The following VILL variants were observed in gnomAD, a reference collection of about 807,000 sequenced individuals.
VILL encodes the protein villin like, also known as villin-like protein.
Under a neutral mutation model 106.3 loss-of-function variants are expected in VILL, and 102 were observed. The ratio of observed to expected loss-of-function variants is 0.96; its 90% CI spans 0.82 to 1.13. VILL has a LOEUF of 1.13. VILL is among the 50% of genes most tolerant of loss of function. The pLI is 0.00. For missense variants in VILL, 1,076 were observed against 1,116.6 expected, an observed-to-expected ratio of 0.96 and a Z score of 0.52; for synonymous variants, 431 against 440.3, an observed-to-expected ratio of 0.98 and a Z score of 0.27.
chr3:37,988,248 G>A (rs1699572449), upstream of VILL: 1 of 152,320 alleles, frequency 6.6e-6, no homozygotes, highest in Non-Finnish European at 1.5e-5. Context: ...AGTAAGCCAT[G>A]GGGAGAGTGA....
chr3:37,999,430 G>A lies in VILL; in HGVS notation c.1173G>A (p.Gly391=), dbSNP rs1233686259. The change falls in exon 11 of 20, where the codon GGG becomes GGA. Residue 391 remains glycine, a synonymous_variant. Transcript: ENST00000383759. ...TCAGGATGGTGGACGACGGCTCTGG[G>A]AAGGTGGAGGTGAGGGGTACTGGGT... ...AQLRMVDDGS[G]KVEVWCIQDL... is the part of the protein sequence containing the mutation. 1.2e-5 allele frequency: 18 copies of A among 1,484,566 alleles called. No homozygotes were observed. The highest frequency in any genetic ancestry group is 1.6e-5 in the Non-Finnish European group (18 of 1,120,276). 92.0% of individuals were successfully genotyped at this position (1,484,566 alleles called of 1,614,324 possible).
rs1699739094 is a variant in VILL, at chr3:37,998,092, T to C, written c.767T>C (p.Val256Ala). Reference sequence around the variant, plus strand: ...CTCCTGGGTTCCTGTCCCCCCAGTGTCTATGAGAAGGGCAAAGACCTGGTG... The same window carrying C: ...CTCCTGGGTTCCTGTCCCCCCAGTGCCTATGAGAAGGGCAAAGACCTGGTG... ...LQKANVRLYHVYEKGKDLVVL... is the reference protein window; with the variant it reads ...LQKANVRLYHAYEKGKDLVVL... The change falls in exon 8 of 20, where the codon GTC (valine) becomes GCC (alanine). Residue 256 changes from valine (V) to alanine (A), a missense_variant and splice_region_variant. Coordinates refer to ENST00000383759, the MANE Select transcript of VILL (RefSeq NM_015873.4). The surrounding 1 kb of genome is among the most constrained non-coding windows in gnomAD (Gnocchi z 4.1). 6.8e-6 allele frequency: 11 copies of C among 1,608,602 alleles called. No individual in the cohort carries two copies. Among genetic ancestry groups the C allele is most frequent in the Non-Finnish European group, 9.3e-6 (11 of 1,177,410 alleles).
At chr3:37,991,958 T>C (rs1001782974) in intron 1 of VILL, among the ~76,000 whole-genome samples, 1 of 152,112 alleles carries the variant, frequency 6.6e-6, no homozygotes, top group Non-Finnish European at 1.5e-5. Flanking sequence ...ACCTCAGCCC[T>C]GGCAGCTGAG....
chr3:37,989,342 G>T (rs939276227), upstream of VILL, among the ~76,000 whole-genome samples: 2 of 152,198 alleles, frequency 1.3e-5, no homozygotes, highest in Non-Finnish European at 2.9e-5. Context: ...CGGGGGAGTT[G>T]GGTCAGGGAG....
intron 13 of VILL, 158 bp downstream of exon 13, chr3:38,002,018 GCC>G (rs1012333517): frequency 2.3e-5 from 29 of 1,236,384 alleles, no homozygotes; most frequent in Middle Eastern, 2.7e-4. Flanking sequence ...TCCAAGGTTG[GCC>G]CCCTGCCTGA....
intron 15 of VILL, 163 bp from the exon 16 acceptor site, chr3:38,004,092 C>T: frequency 2.3e-6 from 2 of 883,986 alleles, no homozygotes; most frequent in Non-Finnish European, 3.3e-6. Flanking sequence ...ACCCTGTACC[C>T]AGAGCAGAGC....
Position 38,005,849 on chromosome 3 carries a change from C to G in VILL, c.2008C>G (p.Gln670Glu). 1 of 1,614,036 alleles carries G rather than the reference C, an allele frequency of 6.2e-7. No homozygotes were observed. The highest frequency in any genetic ancestry group is 8.5e-7 in the Non-Finnish European group (1 of 1,179,980). Residue 670 changes from glutamine (Q) to glutamate (E), a missense_variant, in exon 17 of 20, where the codon CAG (glutamine) becomes GAG (glutamate). Gln to Glu is a conservative substitution (Grantham distance 29). Coordinates refer to ENST00000383759, the MANE Select transcript of VILL (RefSeq NM_015873.4). ...SEWKEAVAWGQEYLKTHPAGR... is the reference protein window; with the variant it reads ...SEWKEAVAWGEEYLKTHPAGR... ...GTGGAAGGAGGCGGTGGCCTGGGGC[C>G]AGGAGTACCTGAAGACTCACCCAGC... is the stretch of plus-strand genomic sequence containing the variant.
chr3:37,994,018 G>A, intron 3 of VILL, 46 bp downstream of exon 3: 1 of 1,604,828 alleles, frequency 6.2e-7, no homozygotes, highest in Non-Finnish European at 8.5e-7. Flanking sequence ...GCATGGCCCG[G>A]CACTGGGGAG....
intron 1 of VILL, among the ~76,000 whole-genome samples, chr3:37,992,812 C>T (rs548008413): frequency 2.0e-5 from 3 of 152,184 alleles, no homozygotes; most frequent in Non-Finnish European, 4.4e-5. Context: ...CAGGGCCAAA[C>T]CAGGGGCCCT....
At chr3:38,000,927 AC>A (rs1462778735) in intron 11 of VILL, 1 of 456,976 alleles carries the variant, frequency 2.2e-6, no homozygotes, top group South Asian at 1.5e-5. Flanking sequence ...CACAGGGCCT[AC>A]CTGGGATTTG....
Position 37,993,610 on chromosome 3 carries a change from TCTCCAGCCTGAGAA to T in VILL, c.-59_-46del, listed in dbSNP as rs1487034382. The T allele has an allele frequency of 4.6e-6, 7 of 1,537,876 alleles. No homozygotes were observed. Among genetic ancestry groups the T allele is most frequent in the Admixed American group, 1.7e-5 (1 of 57,404 alleles). On this transcript the variant is annotated 5_prime_UTR_variant, in exon 2 of 20. Transcript: ENST00000383759. ...AGTTGTACAGGTAGCCAGGTGTCGGTCTCCAGCCTGAGAACTCTGGCTGTTGTTCCTTGTGTCGT... is the reference window on the plus strand; with the variant it reads ...AGTTGTACAGGTAGCCAGGTGTCGGTCTCTGGCTGTTGTTCCTTGTGTCGT...
Position 37,994,379 on chromosome 3 carries a change from A to G in VILL, c.254A>G (p.Asp85Gly). 6.2e-7 allele frequency: 1 copy of G among 1,612,418 alleles called. No homozygotes were observed. The highest frequency in any genetic ancestry group is 1.3e-5 in the African/African-American group (1 of 75,024). The change falls in exon 4 of 20, where the codon GAC becomes GGC. Residue 85 changes from aspartate (D) to glycine (G), a missense_variant. Asp to Gly is a moderately conservative substitution (Grantham distance 94, BLOSUM62 -1). Coordinates refer to ENST00000383759, the MANE Select transcript of VILL (RefSeq NM_015873.4). ...GAGGCCTTCCAGCAGCGCCTACAGG[A>G]CGAGCTGGGGGGCCAGACCGTGCTG... Reference protein sequence around the residue: ...AAEAFQQRLQDELGGQTVLHR... With the variant: ...AAEAFQQRLQGELGGQTVLHR...
chr3:38,007,118 C>T lies in VILL; in HGVS notation c.*63C>T, dbSNP rs1699950495. The T allele has an allele frequency of 1.3e-5, 18 of 1,377,918 alleles. No homozygotes were observed. The South Asian group carries it at 2.0e-4, about 16-fold the overall frequency. 85.4% of individuals were successfully genotyped at this position (1,377,918 alleles called of 1,614,324 possible). ...CAACATACCTACAATGCTGGGGAGG[C>T]CCTGCTTCCACTCCCCTCAGAGGCT... is the stretch of plus-strand genomic sequence containing the variant. On this transcript the variant is annotated 3_prime_UTR_variant, in exon 20 of 20. Coordinates refer to ENST00000383759, the MANE Select transcript of VILL (RefSeq NM_015873.4).
chr3:37,993,829 C>T (rs183674209), intron 2 of VILL, 69 bp from the exon 3 acceptor site: 26,811 of 1,607,808 alleles, frequency 0.017, 277 homozygotes, highest in Non-Finnish European at 0.02. Flanking sequence ...GCGTCCTCTT[C>T]CACCCCACCC....
chr3:38,006,605 A>G lies in VILL; in HGVS notation c.2362A>G (p.Thr788Ala). The G allele has an allele frequency of 6.2e-7, 1 of 1,614,080 alleles. No homozygotes were observed. The highest frequency in any genetic ancestry group is 2.2e-5 in the East Asian group (1 of 44,886). ...CAGAACCAGCAGCTCCGTCAGCAGCACCAGCGCCACGATCAACGGGGGCCT... is the reference window on the plus strand; with the variant it reads ...CAGAACCAGCAGCTCCGTCAGCAGCGCCAGCGCCACGATCAACGGGGGCCT... ...GSRTSSSVSSTSATINGGLRR... is the reference protein window; with the variant it reads ...GSRTSSSVSSASATINGGLRR... Residue 788 changes from threonine (T) to alanine (A), a missense_variant, in exon 19 of 20, where the codon ACC becomes GCC. By Grantham distance (58) the Thr-to-Ala change is moderately conservative. Coordinates refer to ENST00000383759, the MANE Select transcript of VILL (RefSeq NM_015873.4).
intron 17 of VILL, 58 bp from the exon 18 acceptor site, chr3:38,006,123 C>A: frequency 3.1e-6 from 5 of 1,611,916 alleles, no homozygotes; most frequent in Non-Finnish European, 4.2e-6. Context: ...CTCATGTGTC[C>A]CATTGGTGCC....
At chr3:37,995,184 T>C (rs1699678523) in intron 4 of VILL, among the ~76,000 whole-genome samples, 2 of 152,272 alleles carry the variant, frequency 1.3e-5, no homozygotes, top group East Asian at 3.8e-4. Context: ...TCGCTGTAAA[T>C]TGCTTCACAG....
At chr3:37,989,176 G>A (rs1245442671), upstream of VILL, among the ~76,000 whole-genome samples, 1 of 152,164 alleles carries the variant, frequency 6.6e-6, no homozygotes, top group East Asian at 1.9e-4. Flanking sequence ...TCCAGGTTTG[G>A]GGCCTAAGCA....
At position 38,004,335 on chromosome 3, in the gene VILL, T is replaced by G; in HGVS notation, c.1886T>G (p.Val629Gly). The G allele has an allele frequency of 6.2e-7, 1 of 1,613,728 alleles. No homozygotes were observed. Among genetic ancestry groups the G allele is most frequent in the Non-Finnish European group, 8.5e-7 (1 of 1,179,642 alleles). ...SHMGCLVLAE[V>G]GFFSQEDLDK... ...ATGGGCTGCCTGGTCCTCGCAGAAGTGGGGTTCTTCAGCCAGGAGGACCTG... is the reference window on the plus strand; with the variant it reads ...ATGGGCTGCCTGGTCCTCGCAGAAGGGGGGTTCTTCAGCCAGGAGGACCTG... The change falls in exon 16 of 20, where the codon GTG (valine) becomes GGG (glycine). Residue 629 changes from valine (V) to glycine (G), a missense_variant. Val to Gly is a moderately radical substitution (Grantham distance 109). Transcript: ENST00000383759.
Sources: allele counts gnomAD v4.1 joint callset (sites outside exome capture counted in the v4.1 genomes callset), GRCh38; gene constraint gnomAD v4.1.1; non-coding constraint Gnocchi (gnomAD v3.1); transcripts MANE v1.5; gene names NCBI Gene and HGNC (gene_info 2026-07-23, HGNC 2026-07-21).